The following NUMA1 variants were observed in gnomAD, a reference collection of about 807,000 sequenced individuals.
NUMA1 encodes the protein SP-H antigen.
NUMA1 carries 62 observed loss-of-function variants against 237.1 expected under a neutral mutation model. The observed-to-expected ratio is 0.26, with a 90% CI of 0.21 to 0.32. NUMA1 has a LOEUF of 0.32. Among genes scored for constraint, NUMA1 ranks in the 10% least tolerant of loss-of-function variants. The probability of loss-of-function intolerance (pLI) is 1.00; values close to 1 mark genes in which losing one functional copy is unlikely to be tolerated. For synonymous variants in NUMA1, 1,028 were observed against 1,066.1 expected, an observed-to-expected ratio of 0.96 and a Z score of 0.70; for missense variants, 2,533 against 2,666.5, an observed-to-expected ratio of 0.95 and a Z score of 1.10.
At chr11:72,075,034 A>AAAATAAATAAATAAATAAAT (rs35313309) in intron 1 of NUMA1, among the ~76,000 whole-genome samples, 1,517 of 148,430 alleles carry the variant, frequency 0.01, 25 homozygotes, top group African/African-American at 0.036. Context: ...ACTCCATCTC[A>AAAATAAATAAATAAATAAAT]AAATAAATAA....
intron 1 of NUMA1, among the ~76,000 whole-genome samples, chr11:72,070,859 A>T (rs963638096): frequency 1.3e-5 from 2 of 152,226 alleles, no homozygotes; most frequent in African/African-American, 4.8e-5. Flanking sequence ...TTTTAATTCA[A>T]ATATTTATGT....
chr11:72,011,758 C>A (rs1956177440), intron 16 of NUMA1, among the ~76,000 whole-genome samples: 2 of 152,106 alleles, frequency 1.3e-5, no homozygotes, highest in African/African-American at 4.8e-5. Flanking sequence ...GAGATGATTC[C>A]CATGAGAAAG....
At chr11:72,005,617 C>A in intron 22 of NUMA1, 1 of 524,656 alleles carries the variant, frequency 1.9e-6, no homozygotes, top group Non-Finnish European at 3.3e-6. Context: ...ACATCTTACT[C>A]ACCTGCCAAG....
chr11:72,016,765 A>C, intron 13 of NUMA1: 1 of 507,828 alleles, frequency 2.0e-6, no homozygotes, highest in Non-Finnish European at 3.5e-6. Context: ...CTACTTCCCC[A>C]AGGCTGCTGA....
chr11:72,028,909 C>T (rs1236140617), intron 4 of NUMA1, among the ~76,000 whole-genome samples: 1 of 152,156 alleles, frequency 6.6e-6, no homozygotes, highest in Non-Finnish European at 1.5e-5. Flanking sequence ...AGATGGGGAA[C>T]CCAAGAGTGA....
intron 24 of NUMA1, 136 bp from the exon 25 acceptor site, chr11:72,004,477 T>G (rs2134363240): frequency 8.3e-7 from 1 of 1,200,486 alleles, no homozygotes; most frequent in South Asian, 1.3e-5. Context: ...CTGGGCCAGA[T>G]CCTTCCCTTC....
In NUMA1 at chr11:72,010,836, T is replaced by G. The variant is rs1275483224; in HGVS notation, c.4669A>C (p.Lys1557Gln). 2 of 1,613,872 alleles carry G rather than the reference T, an allele frequency of 1.2e-6. No individual in the cohort carries two copies. Among genetic ancestry groups the G allele is most frequent in the Non-Finnish European group, 1.7e-6 (2 of 1,180,004 alleles). The stretch of plus-strand genomic sequence containing the variant: ...CTGGCTTGGTCAGAGTCAGCCAGTT[T>G]CTTACTCAGTTCTTCCACCTGGGGA... ...QTKQVEELSK[K>Q]LADSDQASKV... The change falls in exon 17 of 27, where the codon AAA becomes CAA. Residue 1557 changes from lysine to glutamine, a missense_variant. Around this residue, in one of 3 missense-constraint regions of NUMA1, gnomAD observed 795 missense variants for 750.8 expected, o/e 1.06. Coordinates refer to ENST00000393695, the MANE Select transcript of NUMA1 (RefSeq NM_006185.4).
intron 2 of NUMA1, chr11:72,049,582 T>TATATATATATATATATATATAA (rs1459527892): frequency 4.8e-5 from 1 of 20,636 alleles, no homozygotes. Flanking sequence ...TATATATATA[T>TATATATATATATATATATATAA]AGTGTGTGTG....
chr11:72,015,690 G>T lies in NUMA1; in HGVS notation c.1813C>A (p.Gln605Lys). The T allele has an allele frequency of 6.2e-7, 1 of 1,614,002 alleles. No individual in the cohort carries two copies. Residue 605 changes from glutamine to lysine, a missense_variant, in exon 15 of 27, where the codon CAG (glutamine) becomes AAG (lysine). Coordinates refer to ENST00000393695, the MANE Select transcript of NUMA1 (RefSeq NM_006185.4). This position sits in a 1 kb window ranked among gnomAD's most constrained non-coding sequence, Gnocchi z 4.0. ...SLRERDAALKQLEALEKEKAA... is the reference protein window; with the variant it reads ...SLRERDAALKKLEALEKEKAA... ...TTCTCCTTCTCCAGTGCCTCCAGCT[G>T]CTTGAGAGCCGCATCCCGCTCCCTT...
rs761202083 is a variant in NUMA1, at chr11:72,013,414, A to T, written c.4089T>A (p.Ala1363=). Residue 1363 remains alanine (A), a synonymous_variant, in exon 15 of 27, where the codon GCT becomes GCA. Transcript: ENST00000393695. The surrounding 1 kb of genome is among the most constrained non-coding windows in gnomAD (Gnocchi z 6.8). The part of the protein sequence containing the change: ...TQALVSELLP[A]KHLCQQLQAE... ...CCTGCAGCTGCTGGCAGAGGTGCTT[A>T]GCTGGCAGCAGCTCACTCACCAGGG... The T allele has an allele frequency of 5.0e-6, 8 of 1,612,682 alleles. No homozygotes were observed. The highest frequency in any genetic ancestry group is 1.7e-5 in the Admixed American group (1 of 59,982).
chr11:72,049,559 TAATATATATATATATA>T (rs1368926139), intron 2 of NUMA1: 2 of 6,876 alleles, frequency 2.9e-4, no homozygotes, highest in East Asian at 2.0e-3. Flanking sequence ...AAAATAATAA[TAATATATATATATATA>T]TATATATAGT....
chr11:72,015,553 C>G lies in NUMA1; in HGVS notation c.1950G>C (p.Arg650=), dbSNP rs1317855807. Residue 650 remains arginine (R), a synonymous_variant, in exon 15 of 27, where the codon CGG becomes CGC. Coordinates refer to ENST00000393695, the MANE Select transcript of NUMA1 (RefSeq NM_006185.4). This position sits in a 1 kb window ranked among gnomAD's most constrained non-coding sequence, Gnocchi z 4.0. ...QAQREKAELS[R]KVEELQACVE... is the part of the protein sequence containing the mutation. Reference sequence around the variant, plus strand: ...CACAGGCCTGGAGTTCCTCCACCTTCCGGCTCAGCTCTGCCTTCTCCCGCT... The same window carrying G: ...CACAGGCCTGGAGTTCCTCCACCTTGCGGCTCAGCTCTGCCTTCTCCCGCT... The G allele has an allele frequency of 6.2e-7, 1 of 1,613,518 alleles. No homozygotes were observed. Among genetic ancestry groups the G allele is most frequent in the East Asian group, 2.2e-5 (1 of 44,890 alleles).
rs749792471 is a variant in NUMA1, at chr11:72,057,907, T to TA, written c.-33+11934dup. ...CAACATAGTGAAACCCTGTCTCTAT[T>TA]AAAAAAAAAAAAAAATAGCTAGGCG... On this transcript the variant is annotated intron_variant, in intron 2 of 26. Transcript: ENST00000393695. Among the ~76,000 whole-genome samples the TA allele has an allele frequency of 8.1e-3, 1,076 of 132,692 alleles. 11 individuals are homozygous for TA. The highest frequency in any genetic ancestry group is 0.023 in the African/African-American group (812 of 35,952). The allele number at this position is 132,692 out of a possible 152,430, so 87.1% of individuals were successfully genotyped here.
At chr11:72,031,758 G>A (rs918406445) in intron 3 of NUMA1, among the ~76,000 whole-genome samples, 8 of 152,134 alleles carry the variant, frequency 5.3e-5, no homozygotes, top group Non-Finnish European at 8.8e-5. Flanking sequence ...AGGCTACAGC[G>A]AGCTATGATC....
chr11:72,042,558 G>A (rs2135893514), intron 2 of NUMA1, among the ~76,000 whole-genome samples: 1 of 152,280 alleles, frequency 6.6e-6, no homozygotes, highest in Non-Finnish European at 1.5e-5. Flanking sequence ...GTGTGGGGAG[G>A]AAGAGAAAGC....
chr11:72,018,710 G>C (rs769496582), intron 10 of NUMA1, 113 bp downstream of exon 10: 98 of 1,339,062 alleles, frequency 7.3e-5, no homozygotes, highest in Non-Finnish European at 8.6e-5. Flanking sequence ...CTGACCACAG[G>C]CCCAGGGCTG....
chr11:72,073,048 C>CAACAAAAAAAAAA (rs1943532838), intron 1 of NUMA1, among the ~76,000 whole-genome samples: 1 of 38,976 alleles, frequency 2.6e-5, no homozygotes, highest in Non-Finnish European at 4.2e-5. Flanking sequence ...GACTCCGTCT[C>CAACAAAAAAAAAA]AAAAAAAAAA....
intron 1 of NUMA1, among the ~76,000 whole-genome samples, chr11:72,070,450 C>T (rs573633897): frequency 3.9e-5 from 6 of 152,276 alleles, no homozygotes; most frequent in Non-Finnish European, 7.4e-5. Context: ...TTCTCATTTC[C>T]CTGCTTTCAA....
At chr11:72,078,494 G>T (rs940848781) in intron 1 of NUMA1, among the ~76,000 whole-genome samples, 2 of 152,208 alleles carry the variant, frequency 1.3e-5, no homozygotes, top group African/African-American at 4.8e-5. Context: ...ACCTGAGCAG[G>T]GCTTTGCCCT....
Sources: allele counts gnomAD v4.1 joint callset (sites outside exome capture counted in the v4.1 genomes callset), GRCh38; gene constraint gnomAD v4.1.1; regional missense constraint gnomAD v4.1.1; non-coding constraint Gnocchi (gnomAD v3.1); transcripts MANE v1.5; gene names NCBI Gene and HGNC (gene_info 2026-07-23, HGNC 2026-07-21).